TCEA2: variants seen among roughly 807,000 people sequenced by gnomAD.
TCEA2 encodes the protein transcription elongation factor A2, also known as transcription elongation factor A protein 2.
TCEA2 carries 21 observed loss-of-function variants against 40.8 expected under a neutral mutation model. That is an observed-to-expected ratio of 0.51 (90% CI 0.36 to 0.74). The LOEUF (loss-of-function observed/expected upper bound fraction) is 0.74, where lower values mean the gene tolerates loss of function less well. Among genes scored for constraint, TCEA2 ranks in the 30% least tolerant of loss-of-function variants. The probability of loss-of-function intolerance (pLI) is 0.00; values close to 1 mark genes in which losing one functional copy is unlikely to be tolerated. For missense variants in TCEA2, 326 were observed against 426.5 expected, an observed-to-expected ratio of 0.76 and a Z score of 2.08; for synonymous variants, 165 against 162.7, an observed-to-expected ratio of 1.01 and a Z score of -0.11.
At chr20:64,061,357 G>A (rs1038742778), upstream of TCEA2, among the ~76,000 whole-genome samples, 5 of 150,412 alleles carry the variant, frequency 3.3e-5, no homozygotes, top group African/African-American at 1.2e-4. Flanking sequence ...CTCACTGCAA[G>A]CTCCGCCTCC....
chr20:64,061,570 C>T (rs1267810647), upstream of TCEA2, among the ~76,000 whole-genome samples: 2 of 152,102 alleles, frequency 1.3e-5, no homozygotes, highest in South Asian at 2.1e-4. Context: ...CCACCATGCC[C>T]GGTCTAATTT....
Position 64,070,515 on chromosome 20 carries a change from G to T in TCEA2, c.699G>T (p.Glu233Asp), listed in dbSNP as rs779844201. The part of the protein sequence containing the change: ...SEEMASDELK[E>D]IRKAMTKEAI... ...AGATGGCCAGTGATGAGCTGAAGGA[G>T]ATCCGTAAGGCCATGACCAAGGAGG... Residue 233 changes from glutamate (E) to aspartate (D), a missense_variant, in exon 8 of 10, where the codon GAG becomes GAT. Glu to Asp is a conservative substitution (Grantham distance 45). Coordinates refer to ENST00000343484, the MANE Select transcript of TCEA2 (RefSeq NM_003195.6). The T allele has an allele frequency of 1.2e-6, 2 of 1,613,748 alleles. No homozygotes were observed. The highest frequency in any genetic ancestry group is 2.2e-5 in the South Asian group (2 of 91,096).
intron 2 of TCEA2, 37 bp from the exon 3 acceptor site, chr20:64,066,878 C>T (rs1353014589): frequency 1.3e-6 from 2 of 1,591,982 alleles, no homozygotes; most frequent in Non-Finnish European, 8.6e-7. Context: ...CTAGGGTGGG[C>T]CCCTGCCTCC....
At chr20:64,068,282 G>A (rs2059743401) in intron 4 of TCEA2, 148 bp downstream of exon 4, 1 of 727,332 alleles carries the variant, frequency 1.4e-6, no homozygotes, top group Non-Finnish European at 2.3e-6. Context: ...CAGCCTTGTG[G>A]TGTGTCCCGC....
In TCEA2 at chr20:64,066,978, G is replaced by A; in HGVS notation, c.199G>A (p.Ala67Thr). 3.1e-6 allele frequency: 5 copies of A among 1,613,888 alleles called. No homozygotes were observed. The highest frequency in any genetic ancestry group is 4.2e-6 in the Non-Finnish European group (5 of 1,179,924). ...RKQSSDEEVIALAKSLIKSWK... is the reference protein window; with the variant it reads ...RKQSSDEEVITLAKSLIKSWK... Reference sequence around the variant, plus strand: ...GCAGAGCTCGGATGAGGAGGTCATTGCACTGGCCAAGTCTCTCATCAAGTC... The same window carrying A: ...GCAGAGCTCGGATGAGGAGGTCATTACACTGGCCAAGTCTCTCATCAAGTC... The change falls in exon 3 of 10, where the codon GCA (alanine) becomes ACA (threonine). Residue 67 changes from alanine to threonine, a missense_variant. Ala to Thr is a moderately conservative substitution (Grantham distance 58, BLOSUM62 0). Coordinates refer to ENST00000343484, the MANE Select transcript of TCEA2 (RefSeq NM_003195.6).
chr20:64,070,193 C>T, intron 6 of TCEA2, 67 bp from the exon 7 acceptor site: 1 of 1,589,504 alleles, frequency 6.3e-7, no homozygotes, highest in South Asian at 1.2e-5. Context: ...ACATGGCCCC[C>T]AGCGGGGCAG....
At chr20:64,070,880 C>T (rs926226009) in intron 8 of TCEA2, among the ~76,000 whole-genome samples, 2 of 152,222 alleles carry the variant, frequency 1.3e-5, no homozygotes, top group Non-Finnish European at 2.9e-5. Context: ...AGTCAGAGGG[C>T]CTGGCCTGGC....
intron 1 of TCEA2, 113 bp from the exon 2 acceptor site, chr20:64,066,363 A>G: frequency 5.2e-6 from 7 of 1,335,808 alleles, no homozygotes; most frequent in Non-Finnish European, 7.4e-6. Flanking sequence ...TTTTGACCCC[A>G]GGTTGAATCT....
chr20:64,069,779 A>C lies in TCEA2; in HGVS notation c.475A>C (p.Ile159Leu). 6.2e-7 allele frequency: 1 copy of C among 1,612,580 alleles called. No homozygotes were observed. The change falls in exon 6 of 10, where the codon ATC becomes CTC. Residue 159 changes from isoleucine (I) to leucine (L), a missense_variant. By Grantham distance (5) the Ile-to-Leu change is conservative. Transcript: ENST00000343484. Reference protein sequence around the residue: ...ALQTDHDHVAIGADCERLSAQ... With the variant: ...ALQTDHDHVALGADCERLSAQ... ...CCCTCTTGCAGATGACCACGTGGCCATCGGTGCGGACTGCGAGCGCCTGTC... is the reference window on the plus strand; with the variant it reads ...CCCTCTTGCAGATGACCACGTGGCCCTCGGTGCGGACTGCGAGCGCCTGTC...
At position 64,072,160 on chromosome 20, in the gene TCEA2, C is replaced by A. The variant is rs370548032; in HGVS notation, c.892-12C>A. On this transcript the variant is annotated splice_polypyrimidine_tract_variant and intron_variant, in intron 9 of 9. Coordinates refer to ENST00000343484, the MANE Select transcript of TCEA2 (RefSeq NM_003195.6). ...GGCCACAAGGCTGGAGGCCTCACCC[C>A]CTTTCTCGCAGTTCTGCTGACCCCT... is the stretch of plus-strand genomic sequence containing the variant. 3 of 1,613,614 alleles carry A rather than the reference C, an allele frequency of 1.9e-6. No homozygotes were observed. The highest frequency in any genetic ancestry group is 2.5e-6 in the Non-Finnish European group (3 of 1,179,782).
intron 3 of TCEA2, among the ~76,000 whole-genome samples, chr20:64,067,241 C>T (rs910967399): frequency 1.3e-5 from 2 of 152,140 alleles, no homozygotes; most frequent in African/African-American, 2.4e-5. Context: ...CCTAGGAGGC[C>T]AGGGTGTGTG....
At chr20:64,063,104 G>C, upstream of TCEA2, 1 of 298,326 alleles carries the variant, frequency 3.4e-6, no homozygotes, top group Non-Finnish European at 5.9e-6. Context: ...GAGCGCGGGC[G>C]CGGCGGGCGC....
chr20:64,069,131 C>T (rs1053411281), intron 4 of TCEA2, among the ~76,000 whole-genome samples: 1 of 152,240 alleles, frequency 6.6e-6, no homozygotes, highest in Non-Finnish European at 1.5e-5. Context: ...CACCCTGACC[C>T]ACTGGGGACC....
upstream of TCEA2, among the ~76,000 whole-genome samples, chr20:64,056,015 G>A (rs1051272349): frequency 1.2e-4 from 19 of 152,014 alleles, no homozygotes; most frequent in East Asian, 1.9e-4. Context: ...CCAGGCTGGC[G>A]GGCTGGCAGG....
upstream of TCEA2, chr20:64,063,054 A>G (rs1331080868): frequency 4.0e-6 from 1 of 250,236 alleles, no homozygotes; most frequent in Non-Finnish European, 7.5e-6. Context: ...ACTTCCCAGG[A>G]GGCTGTGCGC....
In TCEA2 at chr20:64,071,893, G is replaced by A. The variant is rs1360823709; in HGVS notation, c.843G>A (p.Glu281=). 1 of 1,614,152 alleles carries A rather than the reference G, an allele frequency of 6.2e-7. No individual in the cohort carries two copies. Among genetic ancestry groups the A allele is most frequent in the African/African-American group, 1.3e-5 (1 of 75,070 alleles). ...AGGTGCAGACCCGCAGCTCTGATGA[G>A]CCCATGACCACCTTTGTTGTCTGCA... ...YTQVQTRSSD[E]PMTTFVVCNE... is the part of the protein sequence containing the mutation. Residue 281 remains glutamate, a synonymous_variant, in exon 9 of 10, where the codon GAG becomes GAA. Transcript: ENST00000343484.
chr20:64,068,798 G>C (rs1404381217), intron 4 of TCEA2, among the ~76,000 whole-genome samples: 1 of 152,272 alleles, frequency 6.6e-6, no homozygotes, highest in South Asian at 2.1e-4. Context: ...GGTGGATGCA[G>C]CCTGGTCGTT....
chr20:64,066,663 G>A, intron 2 of TCEA2, 125 bp downstream of exon 2: 1 of 1,111,290 alleles, frequency 9.0e-7, no homozygotes, highest in Non-Finnish European at 1.3e-6. Context: ...ACAAATGCCT[G>A]TTCCTGAGGA....
At chr20:64,069,627 C>T in intron 5 of TCEA2, 136 bp downstream of exon 5, 3 of 1,532,232 alleles carry the variant, frequency 2.0e-6, no homozygotes, top group Non-Finnish European at 2.7e-6. Context: ...CTGGCAGGGG[C>T]TAGGGGCCTG....
Sources: allele counts gnomAD v4.1 joint callset (sites outside exome capture counted in the v4.1 genomes callset), GRCh38; gene constraint gnomAD v4.1.1; transcripts MANE v1.5; gene names NCBI Gene and HGNC (gene_info 2026-07-23, HGNC 2026-07-21).